B3GALT1: variants seen among roughly 807,000 people sequenced by gnomAD.
The protein encoded by B3GALT1 is UDP-Gal:betaGlcNAc beta 1,3-galactosyltransferase, polypeptide 1.
A neutral mutation model predicts 23.2 loss-of-function variants in B3GALT1; 10 were observed. The observed-to-expected ratio is 0.43, with a 90% CI of 0.27 to 0.73. The LOEUF (loss-of-function observed/expected upper bound fraction) is 0.73. Among genes scored for constraint, B3GALT1 ranks in the 30% least tolerant of loss-of-function variants. B3GALT1 has a pLI of 0.21. For synonymous variants in B3GALT1, 156 were observed against 141.5 expected, an observed-to-expected ratio of 1.10 and a Z score of -0.73; for missense variants, 299 against 405.4, an observed-to-expected ratio of 0.74 and a Z score of 2.25.
chr2:167,810,145 A>T lies in B3GALT1; in HGVS notation c.-351-8527A>T, dbSNP rs1220294860. On this transcript the variant is annotated intron_variant, in intron 3 of 4. Coordinates refer to ENST00000392690, the MANE Select transcript of B3GALT1 (RefSeq NM_020981.4). The stretch of plus-strand genomic sequence containing the variant: ...AAGACCATTGGAAAAGGACAGTATT[A>T]GGATGGGAGTGACCCGATTTTCCAG... 2.0e-5 allele frequency among the ~76,000 whole-genome samples: 3 copies of T among 151,078 alleles called. 1 individual carries two copies. Among genetic ancestry groups the T allele is most frequent in the African/African-American group, 7.4e-5 (3 of 40,374 alleles).
At position 167,747,853 on chromosome 2, in the gene B3GALT1, G is replaced by A. The variant is rs150238402; in HGVS notation, c.-351-70819G>A. Among the ~76,000 whole-genome samples the A allele has an allele frequency of 7.5e-4, 114 of 152,330 alleles. 1 individual carries two copies. The highest frequency in any genetic ancestry group is 2.5e-3 in the African/African-American group (105 of 41,578). On this transcript the variant is annotated intron_variant, in intron 3 of 4. Coordinates refer to ENST00000392690, the MANE Select transcript of B3GALT1 (RefSeq NM_020981.4). ...GCATTTGCAAAATTTCAAAACAAAT[G>A]TGTAATTCTGATCATGACTATTAAA...
chr2:167,597,211 G>A (rs1684794392), intron 2 of B3GALT1, among the ~76,000 whole-genome samples: 1 of 151,658 alleles, frequency 6.6e-6, no homozygotes, highest in African/African-American at 2.4e-5. Flanking sequence ...CGCCTTCCGG[G>A]TTCATGCCAT....
intron 2 of B3GALT1, among the ~76,000 whole-genome samples, chr2:167,528,097 A>G (rs1683252849): frequency 6.6e-6 from 1 of 152,180 alleles, no homozygotes; most frequent in South Asian, 2.1e-4. Flanking sequence ...GTGGAGCATT[A>G]AAAATGATCC....
intron 1 of B3GALT1, among the ~76,000 whole-genome samples, chr2:167,333,466 A>G (rs1697007796): frequency 6.6e-6 from 1 of 152,192 alleles, no homozygotes; most frequent in East Asian, 1.9e-4. Context: ...GCACAGAGGC[A>G]GGAGTTGACA....
intron 3 of B3GALT1, among the ~76,000 whole-genome samples, chr2:167,679,531 G>T (rs1206517640): frequency 1.3e-5 from 2 of 152,298 alleles, no homozygotes; most frequent in Non-Finnish European, 1.5e-5. Context: ...TGGGATTACA[G>T]GCGTGAGCTA....
chr2:167,630,587 AG>A (rs1282545384), intron 2 of B3GALT1, among the ~76,000 whole-genome samples: 1 of 151,600 alleles, frequency 6.6e-6, no homozygotes, highest in African/African-American at 2.4e-5. Flanking sequence ...AGGATTTTGG[AG>A]TGAAGTGTCA....
At chr2:167,396,492 A>G (rs1698097966) in intron 1 of B3GALT1, among the ~76,000 whole-genome samples, 2 of 147,520 alleles carry the variant, frequency 1.4e-5, no homozygotes, top group Non-Finnish European at 3.0e-5. Context: ...GAATAGAATT[A>G]TTTTCTTTTA....
chr2:167,720,072 A>G (rs942604157), intron 3 of B3GALT1, among the ~76,000 whole-genome samples: 1 of 152,188 alleles, frequency 6.6e-6, no homozygotes, highest in Non-Finnish European at 1.5e-5. Flanking sequence ...TTTCCTTTAC[A>G]TCATATGTTG....
chr2:167,746,357 T>C (rs898235647), intron 3 of B3GALT1, among the ~76,000 whole-genome samples: 1 of 152,252 alleles, frequency 6.6e-6, no homozygotes, highest in African/African-American at 2.4e-5. Flanking sequence ...TGCAGTAACA[T>C]GCATTTGCAA....
intron 3 of B3GALT1, among the ~76,000 whole-genome samples, chr2:167,814,012 C>G (rs904338506): frequency 2.0e-5 from 3 of 152,158 alleles, no homozygotes; most frequent in Non-Finnish European, 4.4e-5. Context: ...TCTTTTATGA[C>G]TTCATTAAAC....
intron 2 of B3GALT1, among the ~76,000 whole-genome samples, chr2:167,508,368 C>T (rs1266630011): frequency 1.3e-5 from 2 of 150,472 alleles, no homozygotes; most frequent in Non-Finnish European, 2.9e-5. Flanking sequence ...ACACCATTTT[C>T]CTGCCTCAGC....
At chr2:167,295,563 C>A (rs1274084484) in intron 1 of B3GALT1, among the ~76,000 whole-genome samples, 6 of 152,216 alleles carry the variant, frequency 3.9e-5, no homozygotes, top group African/African-American at 1.2e-4. Context: ...TTAAAATAAA[C>A]TTCAATTAAA....
chr2:167,803,563 G>A (rs1162893262), intron 3 of B3GALT1, among the ~76,000 whole-genome samples: 1 of 152,132 alleles, frequency 6.6e-6, no homozygotes, highest in African/African-American at 2.4e-5. Flanking sequence ...TTCCAGGTAA[G>A]GAAGAGGAGA....
chr2:167,630,534 G>T (rs1055245897), intron 2 of B3GALT1, among the ~76,000 whole-genome samples: 6 of 151,508 alleles, frequency 4.0e-5, no homozygotes, highest in African/African-American at 1.5e-4. Context: ...TACAGAAATG[G>T]CTGTACAAGA....
chr2:167,644,585 C>A (rs1044235212), intron 2 of B3GALT1, among the ~76,000 whole-genome samples: 2 of 151,946 alleles, frequency 1.3e-5, no homozygotes, highest in African/African-American at 2.4e-5. Flanking sequence ...TCGAGACCAT[C>A]CTGGCCAACA....
intron 1 of B3GALT1, among the ~76,000 whole-genome samples, chr2:167,425,841 A>G (rs993904458): frequency 2.6e-5 from 4 of 152,362 alleles, no homozygotes; most frequent in African/African-American, 7.2e-5. Flanking sequence ...AGAAGCACTC[A>G]GAAACCAGTG....
chr2:167,837,079 A>T (rs1351469723), intron 4 of B3GALT1, among the ~76,000 whole-genome samples: 2 of 152,222 alleles, frequency 1.3e-5, no homozygotes, highest in Non-Finnish European at 2.9e-5. Flanking sequence ...AATCATGCCA[A>T]AATGTAAAGA....
intron 1 of B3GALT1, among the ~76,000 whole-genome samples, chr2:167,435,771 G>A (rs1350510794): frequency 6.6e-6 from 1 of 152,064 alleles, no homozygotes; most frequent in Non-Finnish European, 1.5e-5. Context: ...AATGTTGCCT[G>A]TTTCTATTCT....
At chr2:167,835,511 G>C (rs964291177) in intron 4 of B3GALT1, among the ~76,000 whole-genome samples, 4 of 152,244 alleles carry the variant, frequency 2.6e-5, no homozygotes, top group African/African-American at 9.6e-5. Flanking sequence ...TGCTTGCTTA[G>C]GTAAACAAAG....
Sources: gnomAD v4.1 joint callset for allele counts (sites outside exome capture counted in the v4.1 genomes callset) on GRCh38, gnomAD v4.1.1 for gene constraint, MANE v1.5 for transcripts, NCBI Gene and HGNC (gene_info 2026-07-23, HGNC 2026-07-21) for gene names.